The following PLS3 variants were observed in gnomAD, a reference collection of about 807,000 sequenced individuals.
PLS3 encodes the protein plastin 3.
PLS3 carries 11 observed loss-of-function variants against 46.5 expected under a neutral mutation model. The observed-to-expected ratio is 0.24, with a 90% confidence interval of 0.15 to 0.39. The LOEUF (loss-of-function observed/expected upper bound fraction) is 0.39. Ranked by LOEUF, PLS3 falls within the 10% of genes least tolerant of loss-of-function variation. PLS3 has a pLI of 1.00. For missense variants in PLS3, 308 were observed against 461.8 expected (o/e 0.67, Z 3.05); for synonymous variants, 167 against 162.2 (o/e 1.03, Z -0.22).
chrX:115,625,829 T>C (rs2074705100), intron 3 of PLS3, among the ~76,000 whole-genome samples: 1 of 111,752 alleles, frequency 8.9e-6, no homozygotes, highest in South Asian at 3.7e-4. Flanking sequence ...GAGCTAACTC[T>C]GGGGTCAAAA....
intron 10 of PLS3, among the ~76,000 whole-genome samples, 169 bp downstream of exon 10, chrX:115,643,677 T>C (rs1489668796): frequency 3.6e-5 from 4 of 112,076 alleles, no homozygotes. Flanking sequence ...ACTTTTAAAG[T>C]AAAGTAGTCG....
chrX:115,617,002 G>T (rs1008857945), intron 2 of PLS3, among the ~76,000 whole-genome samples: 25 of 111,630 alleles, frequency 2.2e-4, no homozygotes, highest in African/African-American at 7.5e-4. Flanking sequence ...ATCCAGGAAA[G>T]CCTAAGGATA....
Position 115,647,554 on chromosome X carries a change from A to G in PLS3, c.1516A>G (p.Thr506Ala), listed in dbSNP as rs782375662. ...TTCTTCTGCTGCCTCTCTTAGATAT[A>G]CCCTCAATGTCCTGGAAGATCTTGG... is the stretch of plus-strand genomic sequence containing the variant. ...ALVWQLMRRY[T>A]LNVLEDLGDG... The change falls in exon 14 of 16, where the codon ACC (threonine) becomes GCC (alanine). Residue 506 changes from threonine (T) to alanine (A), a missense_variant. Transcript: ENST00000355899. 8.3e-7 allele frequency: 1 copy of G among 1,205,663 alleles called. No individual in the cohort carries two copies. Among genetic ancestry groups the G allele is most frequent in the Admixed American group, 2.2e-5 (1 of 45,965 alleles).
Position 115,611,338 on chromosome X carries a change from C to T in PLS3, c.73+1015C>T, listed in dbSNP as rs73581643. 1.3e-3 allele frequency among the ~76,000 whole-genome samples: 142 copies of T among 111,499 alleles called. 1 individual carries two copies. Among genetic ancestry groups the T allele is most frequent in the African/African-American group, 4.7e-3 (140 of 29,949 alleles). ...TGAATATTCCTGAATCTAACATGAT[C>T]GCGCGCACGCGCGTGTGTGTGTGTG... On this transcript the variant is annotated intron_variant, in intron 2 of 15. Transcript: ENST00000355899.
At chrX:115,594,644 C>CCTCTCT (rs782282497) in intron 1 of PLS3, among the ~76,000 whole-genome samples, 3 of 96,546 alleles carry the variant, frequency 3.1e-5, no homozygotes, top group Non-Finnish European at 4.1e-5. Context: ...TCTCTCCCTC[C>CCTCTCT]CTCTCTCTCT....
At chrX:115,648,868 A>G (rs2074977529) in intron 15 of PLS3, among the ~76,000 whole-genome samples, 1 of 111,519 alleles carries the variant, frequency 9.0e-6, no homozygotes, top group African/African-American at 3.3e-5. Context: ...ATTAGTTGAG[A>G]TGTGTTCCTG....
At chrX:115,606,685 C>G (rs1297500208) in intron 1 of PLS3, among the ~76,000 whole-genome samples, 2 of 110,943 alleles carry the variant, frequency 1.8e-5, no homozygotes, top group African/African-American at 6.6e-5. Flanking sequence ...TGTAATAATT[C>G]TTTATTAAAA....
intron 3 of PLS3, among the ~76,000 whole-genome samples, chrX:115,623,965 C>A (rs1556638046): frequency 8.9e-6 from 1 of 112,280 alleles, no homozygotes; most frequent in African/African-American, 3.2e-5. Context: ...CACGGTGGCT[C>A]ACGCCTGTAA....
intron 1 of PLS3, among the ~76,000 whole-genome samples, chrX:115,578,351 C>T (rs1556631444): frequency 8.9e-6 from 1 of 111,735 alleles, no homozygotes; most frequent in Non-Finnish European, 1.9e-5. Context: ...ATAACTTTCA[C>T]CCAGATCAAA....
chrX:115,640,245 A>G (rs1231333379), intron 8 of PLS3, 163 bp from the exon 9 acceptor site: 1 of 644,152 alleles, frequency 1.6e-6, no homozygotes, highest in East Asian at 3.5e-5. Context: ...TATAAGGCAG[A>G]TAGATGGACT....
At chrX:115,617,654 A>G (rs1360599087) in intron 2 of PLS3, among the ~76,000 whole-genome samples, 1 of 112,372 alleles carries the variant, frequency 8.9e-6, no homozygotes, top group Non-Finnish European at 1.9e-5. Flanking sequence ...GCAGCCTAAT[A>G]AGGAAGTTTG....
chrX:115,624,134 C>A (rs1475409906), intron 3 of PLS3, among the ~76,000 whole-genome samples: 1 of 100,699 alleles, frequency 9.9e-6, no homozygotes, highest in Non-Finnish European at 1.9e-5. Flanking sequence ...GAGGCTGGGG[C>A]AAGAGAATCG....
At chrX:115,564,364 A>G (rs2074158867) in intron 1 of PLS3, among the ~76,000 whole-genome samples, 1 of 112,358 alleles carries the variant, frequency 8.9e-6, no homozygotes, top group African/African-American at 3.2e-5. Flanking sequence ...ACTAGTGAGT[A>G]ATAATTTGGG....
At chrX:115,571,711 C>G (rs2074217779) in intron 1 of PLS3, among the ~76,000 whole-genome samples, 1 of 111,125 alleles carries the variant, frequency 9.0e-6, no homozygotes, top group Admixed American at 9.6e-5. Flanking sequence ...TGATACCTGA[C>G]TTGTGGAGGA....
chrX:115,619,346 T>G (rs928232699), intron 2 of PLS3, among the ~76,000 whole-genome samples: 9 of 112,271 alleles, frequency 8.0e-5, no homozygotes, highest in Admixed American at 9.5e-5. Context: ...TATGCCACAC[T>G]TACTCTCTAG....
chrX:115,567,764 CTG>C (rs1404067139), intron 1 of PLS3, among the ~76,000 whole-genome samples: 6 of 89,707 alleles, frequency 6.7e-5, no homozygotes, highest in Non-Finnish European at 1.3e-4. Context: ...CATTCATACT[CTG>C]TCCAGTTCAT....
intron 5 of PLS3, 77 bp downstream of exon 5, chrX:115,630,044 C>T (rs2074748924): frequency 2.8e-6 from 2 of 716,841 alleles, no homozygotes; most frequent in Admixed American, 3.4e-5. Flanking sequence ...TTTCTGCATG[C>T]TTGACAGGTT....
chrX:115,590,859 C>A (rs1326615192), intron 1 of PLS3, among the ~76,000 whole-genome samples: 1 of 110,059 alleles, frequency 9.1e-6, no homozygotes, highest in Non-Finnish European at 1.9e-5. Flanking sequence ...AAAAACTGGC[C>A]GGGCGCGGTG....
chrX:115,627,285 T>G (rs1297767149), intron 3 of PLS3, among the ~76,000 whole-genome samples: 2 of 112,394 alleles, frequency 1.8e-5, no homozygotes, highest in Non-Finnish European at 3.7e-5. Context: ...TGAAACAACC[T>G]AAGTTTTAGA....
Sources: gnomAD v4.1 joint callset for allele counts (sites outside exome capture counted in the v4.1 genomes callset) on GRCh38, gnomAD v4.1.1 for gene constraint, MANE v1.5 for transcripts, NCBI Gene and HGNC (gene_info 2026-07-23, HGNC 2026-07-21) for gene names.